The following ZNF330 variants were observed in gnomAD, a reference collection of about 807,000 sequenced individuals.
The protein encoded by ZNF330 is nucleolar atypical zinc finger, also known as zinc finger protein 330.
A neutral mutation model predicts 45.5 loss-of-function variants in ZNF330; 31 were observed. The ratio of observed to expected loss-of-function variants is 0.68; its 90% CI spans 0.51 to 0.92. ZNF330 has a LOEUF of 0.92. Among genes scored for constraint, ZNF330 ranks in the 40% least tolerant of loss-of-function variants. The pLI is 0.00. For missense variants in ZNF330, 356 were observed against 387.4 expected (o/e 0.92, Z 0.68); for synonymous variants, 138 against 123.2 (o/e 1.12, Z -0.79).
intron 4 of ZNF330, among the ~76,000 whole-genome samples, chr4:141,225,071 T>C (rs536358636): frequency 6.6e-6 from 1 of 152,220 alleles, no homozygotes; most frequent in Admixed American, 6.5e-5. Context: ...TGTTAGACCA[T>C]TGGGAATAAT....
rs745361981 is a variant in ZNF330, at chr4:141,222,356, G to A, written c.-6-10G>A. 1 of 1,610,688 alleles carries A rather than the reference G, an allele frequency of 6.2e-7. No individual in the cohort carries two copies. The highest frequency in any genetic ancestry group is 8.5e-7 in the Non-Finnish European group (1 of 1,178,766). On this transcript the variant is annotated splice_polypyrimidine_tract_variant and intron_variant, in intron 1 of 9. Transcript: ENST00000262990. ...AATTATATCTTTTCTGTTCTCTTGT[G>A]TCAAAATAGGGGAAAATGCCTAAAA... is the stretch of plus-strand genomic sequence containing the variant.
At chr4:141,231,045 T>C (rs894502294) in intron 7 of ZNF330, among the ~76,000 whole-genome samples, 2 of 152,086 alleles carry the variant, frequency 1.3e-5, no homozygotes, top group Non-Finnish European at 2.9e-5. Flanking sequence ...TATGAAATCC[T>C]AATTATTATA....
intron 7 of ZNF330, among the ~76,000 whole-genome samples, chr4:141,231,128 A>G (rs1431361871): frequency 6.6e-6 from 1 of 152,144 alleles, no homozygotes; most frequent in Admixed American, 6.6e-5. Flanking sequence ...ACACACATAG[A>G]CACACAATGT....
chr4:141,227,777 G>C (rs1035028256), intron 5 of ZNF330, among the ~76,000 whole-genome samples: 1 of 151,924 alleles, frequency 6.6e-6, no homozygotes, highest in African/African-American at 2.4e-5. Context: ...AACGAACCTA[G>C]GATAATAGTG....
chr4:141,222,464 A>G lies in ZNF330; in HGVS notation c.93A>G (p.Leu31=). Residue 31 remains leucine, a synonymous_variant, in exon 2 of 10, where the codon TTA becomes TTG. Coordinates refer to ENST00000262990, the MANE Select transcript of ZNF330 (RefSeq NM_014487.6). ...GAGCATCAAGAAGCACTATAGATTT[A>G]GCTAAACATCCATGTAATGCCTCAA... The part of the protein sequence containing the change: ...QLRASRSTID[L]AKHPCNASME... 1 of 1,613,604 alleles carries G rather than the reference A, an allele frequency of 6.2e-7. No individual in the cohort carries two copies.
chr4:141,234,230 G>A lies in ZNF330; in HGVS notation c.*241G>A. 1 of 609,148 alleles carries A rather than the reference G, an allele frequency of 1.6e-6. No homozygotes were observed. The highest frequency in any genetic ancestry group is 2.4e-6 in the Non-Finnish European group (1 of 420,238). 37.7% of individuals were successfully genotyped at this position (609,148 alleles called of 1,614,324 possible). On this transcript the variant is annotated 3_prime_UTR_variant, in exon 10 of 10. Coordinates refer to ENST00000262990, the MANE Select transcript of ZNF330 (RefSeq NM_014487.6). ...TGATCGAAGCAATTGAAGTATCATG[G>A]ATTGGATTGTTACTGATTTCAGTAA...
intron 7 of ZNF330, 101 bp from the exon 8 acceptor site, chr4:141,231,338 A>C: frequency 1.0e-6 from 1 of 979,652 alleles, no homozygotes; most frequent in Non-Finnish European, 1.5e-6. Context: ...AGCTGTCTAT[A>C]AGGCTATATT....
At chr4:141,225,046 A>C (rs547793302) in intron 4 of ZNF330, among the ~76,000 whole-genome samples, 2 of 152,056 alleles carry the variant, frequency 1.3e-5, no homozygotes, top group Non-Finnish European at 2.9e-5. Flanking sequence ...ATTCCTGCTG[A>C]TATTACCTGC....
chr4:141,232,477 TATTTTTAC>T, intron 8 of ZNF330, 40 bp from the exon 9 acceptor site: 1 of 1,061,600 alleles, frequency 9.4e-7, no homozygotes, highest in Non-Finnish European at 1.3e-6. Context: ...TCTTTTTGTA[TATTTTTAC>T]ATTTTTATTT....
At chr4:141,230,394 C>T (rs1728920891) in intron 7 of ZNF330, 124 bp downstream of exon 7, 2 of 556,934 alleles carry the variant, frequency 3.6e-6, no homozygotes, top group South Asian at 3.2e-5. Context: ...TTAACTCAGT[C>T]TTTATTTTCT....
In ZNF330 at chr4:141,226,833, GC is replaced by G; in HGVS notation, c.280del (p.Ala95GlnfsTer74). 3.1e-6 allele frequency: 5 copies of G among 1,611,834 alleles called. No homozygotes were observed. Among genetic ancestry groups the G allele is most frequent in the Non-Finnish European group, 4.2e-6 (5 of 1,178,740 alleles). On this transcript the variant is annotated frameshift_variant, in exon 5 of 10. Transcript: ENST00000262990. LOFTEE classifies it high-confidence loss of function. ...AAGCATGCTGGTGTATACAGTACTG[GC>G]CTTGCAATGGTGGTAAGCTTCTTAT... is the stretch of plus-strand genomic sequence containing the variant. ...VIKHAGVYST[G>X]LAMVGAICDF...
Position 141,234,259 on chromosome 4 carries a change from A to G in ZNF330, c.*270A>G. On this transcript the variant is annotated 3_prime_UTR_variant, in exon 10 of 10. Coordinates refer to ENST00000262990, the MANE Select transcript of ZNF330 (RefSeq NM_014487.6). ...GGATTGTTACTGATTTCAGTAAAGT[A>G]TGTTTTGCCAATTAGATACATATAT... The G allele has an allele frequency of 2.7e-6, 1 of 376,218 alleles. No homozygotes were observed. Among genetic ancestry groups the G allele is most frequent in the Non-Finnish European group, 4.4e-6 (1 of 229,876 alleles). The allele number at this position is 376,218 out of a possible 1,614,324, so 23.3% of individuals were successfully genotyped here.
upstream of ZNF330, among the ~76,000 whole-genome samples, chr4:141,220,734 T>C: frequency 6.6e-6 from 1 of 152,260 alleles, no homozygotes; most frequent in Non-Finnish European, 1.5e-5. Context: ...CTTCCCCTGC[T>C]TTCCCTCCTT....
rs1307907326 is a variant in ZNF330, at chr4:141,231,493, A to C, written c.570+8A>C. ...TCATGTCTCCGTTGTAAGGTATACCAATGCGTTTTTTTCTTTTTAGATTTT... is the reference window on the plus strand; with the variant it reads ...TCATGTCTCCGTTGTAAGGTATACCCATGCGTTTTTTTCTTTTTAGATTTT... On this transcript the variant is annotated splice_region_variant and intron_variant, in intron 8 of 9. Coordinates refer to ENST00000262990, the MANE Select transcript of ZNF330 (RefSeq NM_014487.6). 1 of 1,583,340 alleles carries C rather than the reference A, an allele frequency of 6.3e-7. No individual in the cohort carries two copies.
chr4:141,231,663 A>G (rs561292944), intron 8 of ZNF330, among the ~76,000 whole-genome samples, 178 bp downstream of exon 8: 5 of 152,206 alleles, frequency 3.3e-5, no homozygotes, highest in Admixed American at 1.3e-4. Flanking sequence ...TGACTTTCCA[A>G]TGGTCATCCA....
chr4:141,224,336 G>C, intron 2 of ZNF330, 151 bp from the exon 3 acceptor site: 1 of 687,268 alleles, frequency 1.5e-6, no homozygotes, highest in East Asian at 2.5e-5. Flanking sequence ...TTTTAAGCAT[G>C]GGTAGGTGCT....
chr4:141,227,836 C>G (rs759554843), intron 5 of ZNF330, among the ~76,000 whole-genome samples: 50 of 152,058 alleles, frequency 3.3e-4, no homozygotes, highest in Non-Finnish European at 6.0e-4. Flanking sequence ...TAACATACCT[C>G]TTCATTACAT....
chr4:141,227,440 C>T (rs989558430), intron 5 of ZNF330, among the ~76,000 whole-genome samples: 4 of 152,128 alleles, frequency 2.6e-5, no homozygotes, highest in Admixed American at 2.6e-4. Flanking sequence ...ATTCCAGCTT[C>T]ATCCGTGTCT....
At chr4:141,220,855 G>A (rs568501980), upstream of ZNF330, 1 of 152,414 alleles carries the variant, frequency 6.6e-6, no homozygotes, top group East Asian at 1.9e-4. Flanking sequence ...GCGAACAGAG[G>A]TGGGCGGCTC....
Sources: allele counts gnomAD v4.1 joint callset (sites outside exome capture counted in the v4.1 genomes callset), GRCh38; gene constraint gnomAD v4.1.1; transcripts MANE v1.5; gene names NCBI Gene and HGNC (gene_info 2026-07-23, HGNC 2026-07-21).